Variants in PDE7A observed in about 807,000 individuals in gnomAD.
The protein encoded by PDE7A is high affinity 3',5'-cyclic-AMP phosphodiesterase 7A.
A neutral mutation model predicts 64.3 loss-of-function variants in PDE7A; 39 were observed. That is an observed-to-expected ratio of 0.61 (90% CI 0.47 to 0.79). The LOEUF is 0.79. PDE7A is among the 30% of genes least tolerant of loss of function. PDE7A has a pLI of 0.00. For synonymous variants in PDE7A, 203 were observed against 206.8 expected, an observed-to-expected ratio of 0.98 and a Z score of 0.16; for missense variants, 470 against 582.8, an observed-to-expected ratio of 0.81 and a Z score of 1.99.
chr8:65,730,171 CTTTTTTTTT>C lies in PDE7A; in HGVS notation c.697-2879_697-2871del, dbSNP rs1179431555. The stretch of plus-strand genomic sequence containing the variant: ...TGTGAGGGATCCAGGTTGCGCACTT[CTTTTTTTTT>C]TTTTTTTTTTTTTTTTTGAGATGGA... On this transcript the variant is annotated intron_variant, in intron 7 of 12. Coordinates refer to ENST00000401827, the MANE Select transcript of PDE7A (RefSeq NM_001242318.3). Among the ~76,000 whole-genome samples the C allele has an allele frequency of 4.6e-3, 394 of 86,448 alleles. 2 individuals carry two copies. Among genetic ancestry groups the C allele is most frequent in the African/African-American group, 0.017 (366 of 20,938 alleles). The allele number at this position is 86,448 out of a possible 152,430, so 56.7% of individuals were successfully genotyped here.
rs1434344888 is a variant in PDE7A at position 65,718,264 on chromosome 8, GTCACACATGC to G, written c.*1016_*1025del. On this transcript the variant is annotated 3_prime_UTR_variant, in exon 13 of 13. Coordinates refer to ENST00000401827, the MANE Select transcript of PDE7A (RefSeq NM_001242318.3). ...CACATGGAGAAACATAACATGCACA[GTCACACATGC>G]ACAAACATGCACGCAAACACACATC... 6.6e-6 allele frequency: 1 copy of G among 152,198 alleles called. No individual in the cohort carries two copies. The highest frequency in any genetic ancestry group is 2.4e-5 in the African/African-American group (1 of 41,416). The allele number at this position is 152,198 out of a possible 1,614,324, so 9.4% of individuals were successfully genotyped here. A position where few individuals can be genotyped will look rare whatever the true frequency, so the allele number is the denominator to read the frequency against.
intron 1 of PDE7A, among the ~76,000 whole-genome samples, chr8:65,822,392 T>C (rs575861456): frequency 3.1e-4 from 47 of 152,158 alleles, no homozygotes; most frequent in East Asian, 7.7e-4. Flanking sequence ...GATGGCATTG[T>C]GGGAAGGAGA....
intron 1 of PDE7A, among the ~76,000 whole-genome samples, chr8:65,823,322 T>C (rs542520748): frequency 4.6e-5 from 7 of 152,204 alleles, no homozygotes; most frequent in Non-Finnish European, 1.0e-4. Flanking sequence ...TGAATAATGA[T>C]GTTTCTACAG....
rs79800291 is a variant in PDE7A at position 65,802,197 on chromosome 8, G to T, written c.139-19354C>A. 4.4e-3 allele frequency among the ~76,000 whole-genome samples: 672 copies of T among 152,270 alleles called. 4 individuals carry two copies. The highest frequency in any genetic ancestry group is 0.016 in the African/African-American group (649 of 41,566). On this transcript the variant is annotated intron_variant, in intron 1 of 12. Coordinates refer to ENST00000401827, the MANE Select transcript of PDE7A (RefSeq NM_001242318.3). ...GGAGAGCAGGGAATAGCAAGTTATTGTTTAAGGGGTACAGAATTTCTGTTT... is the reference window on the plus strand; with the variant it reads ...GGAGAGCAGGGAATAGCAAGTTATTTTTTAAGGGGTACAGAATTTCTGTTT...
intron 1 of PDE7A, among the ~76,000 whole-genome samples, chr8:65,837,386 A>G (rs961231666): frequency 1.3e-5 from 2 of 152,244 alleles, no homozygotes; most frequent in African/African-American, 4.8e-5. Context: ...GCTTGGGATC[A>G]GGAGTGTTTT....
In PDE7A at chr8:65,837,650, C is replaced by T. The variant is rs554658116; in HGVS notation, c.138+3721G>A. Among the ~76,000 whole-genome samples, 5 of 152,358 alleles carry T rather than the reference C, an allele frequency of 3.3e-5. No homozygotes were observed. In the South Asian group the frequency reaches 1.0e-3, roughly 32 times the overall value. On this transcript the variant is annotated intron_variant, in intron 1 of 12. Coordinates refer to ENST00000401827, the MANE Select transcript of PDE7A (RefSeq NM_001242318.3). ...CGATCTTAACACCCATGTGGTTGAT[C>T]TGTACTTGTTTGGCATCACCATCAT...
At chr8:65,786,333 T>C (rs1305068997) in intron 1 of PDE7A, among the ~76,000 whole-genome samples, 1 of 152,176 alleles carries the variant, frequency 6.6e-6, no homozygotes, top group African/African-American at 2.4e-5. Flanking sequence ...AAAATAAATA[T>C]CTGAACCCAT....
chr8:65,798,201 T>C (rs1217297170), intron 1 of PDE7A, among the ~76,000 whole-genome samples: 1 of 23,686 alleles, frequency 4.2e-5, no homozygotes, highest in Admixed American at 5.6e-4. Context: ...TATATATATA[T>C]ATATATTTTT....
chr8:65,793,499 A>G (rs1169380051), intron 1 of PDE7A, among the ~76,000 whole-genome samples: 3 of 141,142 alleles, frequency 2.1e-5, no homozygotes, highest in Non-Finnish European at 4.6e-5. Context: ...AAAAAAAAAA[A>G]GGCAAATATG....
rs983839601 is a variant in PDE7A at position 65,717,282 on chromosome 8, T to C, written c.*2008A>G. ...CTAATGAGTTGGACCTGGGAAGATATAGGGAATGGCACAGTGGTACCTTGT... is the reference window on the plus strand; with the variant it reads ...CTAATGAGTTGGACCTGGGAAGATACAGGGAATGGCACAGTGGTACCTTGT... On this transcript the variant is annotated 3_prime_UTR_variant, in exon 13 of 13. Coordinates refer to ENST00000401827, the MANE Select transcript of PDE7A (RefSeq NM_001242318.3). Among the ~76,000 whole-genome samples the C allele has an allele frequency of 8.5e-5, 13 of 152,236 alleles. No individual in the cohort carries two copies. The highest frequency in any genetic ancestry group is 1.3e-4 in the Non-Finnish European group (9 of 68,048).
chr8:65,757,909 A>G lies in PDE7A; in HGVS notation c.284-10106T>C, dbSNP rs563913245. 3.3e-5 allele frequency among the ~76,000 whole-genome samples: 5 copies of G among 152,174 alleles called. 1 individual carries two copies. Among genetic ancestry groups the G allele is most frequent in the Non-Finnish European group, 2.9e-5 (2 of 67,994 alleles). The stretch of plus-strand genomic sequence containing the variant: ...TGGGATTACAGGTGTGAGCCACCAC[A>G]CCCAGCCAACTCCAAGACTTTTAAT... On this transcript the variant is annotated intron_variant, in intron 3 of 12. Coordinates refer to ENST00000401827, the MANE Select transcript of PDE7A (RefSeq NM_001242318.3).
intron 1 of PDE7A, among the ~76,000 whole-genome samples, chr8:65,788,446 C>T (rs1347270722): frequency 2.0e-5 from 3 of 152,072 alleles, no homozygotes; most frequent in African/African-American, 2.4e-5. Flanking sequence ...ACATGATAGA[C>T]GGTGGTTTTT....
intron 1 of PDE7A, among the ~76,000 whole-genome samples, chr8:65,808,466 A>G (rs571206804): frequency 1.3e-5 from 2 of 152,346 alleles, no homozygotes; most frequent in Admixed American, 6.5e-5. Context: ...CCGACATTAT[A>G]AGTTTTTTTT....
intron 1 of PDE7A, among the ~76,000 whole-genome samples, chr8:65,800,864 C>T (rs1196135761): frequency 6.6e-6 from 1 of 152,196 alleles, no homozygotes; most frequent in African/African-American, 2.4e-5. Context: ...ACATTAGGTT[C>T]AAACCCTCTC....
Position 65,740,189 on chromosome 8 carries a change from T to C in PDE7A, c.500-592A>G, listed in dbSNP as rs1159891356. Among the ~76,000 whole-genome samples, 3 of 149,706 alleles carry C rather than the reference T, an allele frequency of 2.0e-5. No individual in the cohort carries two copies. The East Asian group carries it at 6.1e-4, about 30-fold the overall frequency. On this transcript the variant is annotated intron_variant, in intron 5 of 12. Transcript: ENST00000401827. ...TGCTTGGGGGGGTGGGGAGGGGGAATCACAAAACTAGGCAGAATATCGCTA... is the reference window on the plus strand; with the variant it reads ...TGCTTGGGGGGGTGGGGAGGGGGAACCACAAAACTAGGCAGAATATCGCTA...
At chr8:65,758,380 A>T (rs1389479488) in intron 3 of PDE7A, among the ~76,000 whole-genome samples, 1 of 152,232 alleles carries the variant, frequency 6.6e-6, no homozygotes, top group African/African-American at 2.4e-5. Flanking sequence ...TAAGGGGGAA[A>T]AAATGTTTTT....
chr8:65,821,386 CT>C (rs1400722638), intron 1 of PDE7A, among the ~76,000 whole-genome samples: 4 of 142,994 alleles, frequency 2.8e-5, no homozygotes, highest in South Asian at 4.3e-4. Context: ...TCCCTCCCCC[CT>C]AAACCAAGAT....
chr8:65,765,826 G>A (rs141907196), intron 3 of PDE7A, among the ~76,000 whole-genome samples: 142 of 152,272 alleles, frequency 9.3e-4, no homozygotes, highest in Non-Finnish European at 1.6e-3. Flanking sequence ...TGCATAATGG[G>A]ATTATAATAA....
intron 1 of PDE7A, among the ~76,000 whole-genome samples, chr8:65,825,929 G>A (rs937028216): frequency 2.0e-5 from 3 of 152,096 alleles, no homozygotes; most frequent in Non-Finnish European, 2.9e-5. Flanking sequence ...TAAATAAAAC[G>A]AAGTGTAACA....
Sources: allele counts gnomAD v4.1 joint callset (sites outside exome capture counted in the v4.1 genomes callset), GRCh38; gene constraint gnomAD v4.1.1; transcripts MANE v1.5; gene names NCBI Gene and HGNC (gene_info 2026-07-23, HGNC 2026-07-21).